Variants in DPP6 observed in about 807,000 individuals in gnomAD.
DPP6 encodes the protein A-type potassium channel modulatory protein DPP6.
A neutral mutation model predicts 122.6 loss-of-function variants in DPP6; 69 were observed. That is an observed-to-expected ratio of 0.56 (90% CI 0.46 to 0.69). The LOEUF (loss-of-function observed/expected upper bound fraction) is 0.69. Ranked by LOEUF, DPP6 falls within the 30% of genes least tolerant of loss-of-function variation. DPP6 has a pLI of 0.00. For synonymous variants in DPP6, 418 were observed against 433.1 expected, an observed-to-expected ratio of 0.97 and a Z score of 0.43; for missense variants, 928 against 1,116.9, an observed-to-expected ratio of 0.83 and a Z score of 2.41.
chr7:153,997,984 G>C (rs1454673321), intron 1 of DPP6, among the ~76,000 whole-genome samples: 1 of 151,732 alleles, frequency 6.6e-6, no homozygotes, highest in Non-Finnish European at 1.5e-5. Flanking sequence ...ACATGTGAAA[G>C]AGAACCTGAA....
intron 1 of DPP6, among the ~76,000 whole-genome samples, chr7:154,158,916 C>G (rs1585515968): frequency 6.6e-6 from 1 of 152,114 alleles, no homozygotes; most frequent in Non-Finnish European, 1.5e-5. Context: ...GTGTCTCGCT[C>G]TTCCATGCAA....
intron 8 of DPP6, among the ~76,000 whole-genome samples, chr7:154,757,340 G>A (rs1443902714): frequency 6.6e-6 from 1 of 152,248 alleles, no homozygotes; most frequent in African/African-American, 2.4e-5. Context: ...GCGAGGCCCT[G>A]CAAGTGTCTG....
intron 1 of DPP6, among the ~76,000 whole-genome samples, chr7:154,181,930 G>T (rs922060666): frequency 6.6e-6 from 1 of 151,870 alleles, no homozygotes; most frequent in Non-Finnish European, 1.5e-5. Flanking sequence ...TTTATTTTTA[G>T]TAGAGACGGG....
intron 1 of DPP6, among the ~76,000 whole-genome samples, chr7:154,155,231 T>C (rs1796620631): frequency 6.6e-6 from 1 of 152,220 alleles, no homozygotes; most frequent in African/African-American, 2.4e-5. Flanking sequence ...AAGCATGTCC[T>C]GGGCATTGGG....
the DPP6 span, among the ~76,000 whole-genome samples, chr7:153,780,964 GA>G: frequency 1.5e-5 from 2 of 136,470 alleles, no homozygotes; most frequent in Non-Finnish European, 3.4e-5. Flanking sequence ...AACTGCTAAA[GA>G]ATGAATTTTT....
intron 1 of DPP6, among the ~76,000 whole-genome samples, chr7:154,191,884 A>G (rs886849963): frequency 1.3e-5 from 2 of 152,170 alleles, no homozygotes; most frequent in Non-Finnish European, 2.9e-5. Context: ...TTACATATGC[A>G]TTGTTTGTTA....
chr7:154,892,284 C>T (rs765845992), intron 25 of DPP6, 50 bp from the exon 26 acceptor site: 5 of 1,613,148 alleles, frequency 3.1e-6, no homozygotes, highest in Non-Finnish European at 4.2e-6. Flanking sequence ...GTTCCCGTCC[C>T]CTGGGGAGCG....
intron 1 of DPP6, among the ~76,000 whole-genome samples, chr7:154,274,276 G>C (rs1803986131): frequency 6.6e-6 from 1 of 152,150 alleles, no homozygotes; most frequent in South Asian, 2.1e-4. Context: ...TCTAAGTTCT[G>C]AGCAGCATTT....
the DPP6 span, among the ~76,000 whole-genome samples, chr7:153,761,108 T>C: frequency 6.6e-6 from 1 of 152,198 alleles, no homozygotes; most frequent in African/African-American, 2.4e-5. Flanking sequence ...ACTCCCCATC[T>C]ATCAGAAATC....
chr7:154,271,448 C>T (rs1034503848), intron 1 of DPP6, among the ~76,000 whole-genome samples: 4 of 152,170 alleles, frequency 2.6e-5, no homozygotes, highest in Non-Finnish European at 5.9e-5. Flanking sequence ...GCAAGGACAA[C>T]CAGAACTGCA....
At chr7:154,879,454 GTGGCGGGCACC>G (rs1444271206) in intron 20 of DPP6, among the ~76,000 whole-genome samples, 2 of 135,350 alleles carry the variant, frequency 1.5e-5, no homozygotes, top group Non-Finnish European at 3.0e-5. Flanking sequence ...GCCGGGCGAG[GTGGCGGGCACC>G]TGTAGTCCCA....
intron 4 of DPP6, among the ~76,000 whole-genome samples, chr7:154,541,803 G>A (rs1414227890): frequency 2.6e-5 from 4 of 152,032 alleles, no homozygotes; most frequent in East Asian, 1.9e-4. Flanking sequence ...AAAATTAACC[G>A]GTTCCCTGGT....
chr7:153,840,866 C>G, the DPP6 span, among the ~76,000 whole-genome samples: 2 of 152,176 alleles, frequency 1.3e-5, no homozygotes, highest in African/African-American at 4.8e-5. Context: ...CCGGTCCTTA[C>G]TTAATATAAA....
At chr7:154,608,739 A>G (rs907744614) in intron 5 of DPP6, among the ~76,000 whole-genome samples, 12 of 152,052 alleles carry the variant, frequency 7.9e-5, no homozygotes, top group African/African-American at 2.9e-4. Context: ...CCTTCTGTCA[A>G]TTAGTCATAA....
chr7:153,946,328 T>G (rs1801945400), intron 1 of DPP6, among the ~76,000 whole-genome samples: 1 of 152,178 alleles, frequency 6.6e-6, no homozygotes, highest in African/African-American at 2.4e-5. Flanking sequence ...TTTTCCAGGT[T>G]GGGGCAGAGA....
chr7:153,878,418 T>C, the DPP6 span, among the ~76,000 whole-genome samples: 1 of 151,766 alleles, frequency 6.6e-6, no homozygotes, highest in Non-Finnish European at 1.5e-5. Context: ...ATAGCATGGA[T>C]TGATTATGAA....
chr7:154,284,938 T>C (rs978751677), intron 1 of DPP6, among the ~76,000 whole-genome samples: 3 of 152,188 alleles, frequency 2.0e-5, no homozygotes, highest in Non-Finnish European at 4.4e-5. Context: ...AATCCATTTA[T>C]GTGAAACATC....
rs980741787 is a variant in DPP6, at chr7:154,683,751, T to C, written c.762+14310T>C. ...TCCCCTGACCTCTCCTGCCACCCAG[T>C]ACTCCCAGGCTGGAGACCAGCCATA... On this transcript the variant is annotated intron_variant, in intron 7 of 25. Coordinates refer to ENST00000377770, the MANE Select transcript of DPP6 (RefSeq NM_130797.4). Among the ~76,000 whole-genome samples, 14 of 152,290 alleles carry C rather than the reference T, an allele frequency of 9.2e-5. No homozygotes were observed. The East Asian group carries it at 2.5e-3, about 27-fold the overall frequency.
At chr7:154,668,009 C>T (rs1358431150) in intron 6 of DPP6, among the ~76,000 whole-genome samples, 2 of 150,882 alleles carry the variant, frequency 1.3e-5, no homozygotes, top group Non-Finnish European at 3.0e-5. Context: ...TAGTTTTATT[C>T]AGCCGTTGCT....
Sources: gnomAD v4.1 joint callset for allele counts (sites outside exome capture counted in the v4.1 genomes callset) on GRCh38, gnomAD v4.1.1 for gene constraint, MANE v1.5 for transcripts, NCBI Gene and HGNC (gene_info 2026-07-23, HGNC 2026-07-21) for gene names.